GALNT13: variants seen among roughly 807,000 people sequenced by gnomAD.
The protein encoded by GALNT13 is UDP-GalNAc:polypeptide N-acetylgalactosaminyltransferase 13.
In GALNT13, 28 loss-of-function variants were observed where a neutral mutation model predicts 64.2. The ratio of observed to expected loss-of-function variants is 0.44; its 90% CI spans 0.32 to 0.60. GALNT13 has a LOEUF of 0.60. Among genes scored for constraint, GALNT13 ranks in the 20% least tolerant of loss-of-function variants. The probability of loss-of-function intolerance (pLI) is 0.05; values close to 1 mark genes in which losing one functional copy is unlikely to be tolerated. For missense variants in GALNT13, 577 were observed against 669.8 expected (o/e 0.86, Z 1.53); for synonymous variants, 214 against 224.6 (o/e 0.95, Z 0.42).
At chr2:154,016,310 C>T (rs998021074) in intron 3 of GALNT13, among the ~76,000 whole-genome samples, 6 of 152,132 alleles carry the variant, frequency 3.9e-5, no homozygotes, top group Non-Finnish European at 7.3e-5. Context: ...CATTCATAAA[C>T]ACAGGGGTGA....
chr2:154,269,926 T>TTTATATATATG (rs1553506260), intron 8 of GALNT13, among the ~76,000 whole-genome samples: 3 of 33,336 alleles, frequency 9.0e-5, no homozygotes, highest in South Asian at 1.5e-3. Context: ...ATATATATAT[T>TTTATATATATG]TCTAAAGCAC....
chr2:153,077,301 T>C, the GALNT13 span, among the ~76,000 whole-genome samples: 1 of 152,092 alleles, frequency 6.6e-6, no homozygotes, highest in Admixed American at 6.6e-5. Flanking sequence ...AAATGGTATT[T>C]TTATTGGAAT....
intron 1 of GALNT13, among the ~76,000 whole-genome samples, chr2:153,882,817 G>A (rs1228229450): frequency 2.0e-5 from 3 of 151,262 alleles, no homozygotes; most frequent in Non-Finnish European, 2.9e-5. Flanking sequence ...TTGTAGAAAT[G>A]GGGGATCTTG....
the GALNT13 span, chr2:153,187,607 T>G: frequency 1.3e-5 from 2 of 152,200 alleles, no homozygotes; most frequent in African/African-American, 4.8e-5. Context: ...ACATGAGACC[T>G]CCTATTCTAT....
At chr2:153,984,745 T>G (rs2105169320) in intron 3 of GALNT13, among the ~76,000 whole-genome samples, 1 of 152,044 alleles carries the variant, frequency 6.6e-6, no homozygotes, top group Admixed American at 6.6e-5. Flanking sequence ...TAATTATAGC[T>G]TATTGTTCTA....
At chr2:154,157,197 C>A (rs1684472354) in intron 4 of GALNT13, among the ~76,000 whole-genome samples, 1 of 152,104 alleles carries the variant, frequency 6.6e-6, no homozygotes, top group Non-Finnish European at 1.5e-5. Context: ...AAAACTCCCC[C>A]TAGTCTCACC....
chr2:154,379,989 A>G (rs541394275), intron 9 of GALNT13, among the ~76,000 whole-genome samples: 20 of 152,216 alleles, frequency 1.3e-4, no homozygotes, highest in African/African-American at 4.6e-4. Flanking sequence ...CAGAAGAAAT[A>G]AAATTAAACT....
the GALNT13 span, among the ~76,000 whole-genome samples, chr2:153,412,382 A>G: frequency 6.6e-6 from 1 of 152,156 alleles, no homozygotes; most frequent in Non-Finnish European, 1.5e-5. Context: ...AAAAACATGA[A>G]AACACTTTTA....
At chr2:154,000,871 A>G (rs1309461951) in intron 3 of GALNT13, among the ~76,000 whole-genome samples, 1 of 152,010 alleles carries the variant, frequency 6.6e-6, no homozygotes, top group East Asian at 1.9e-4. Context: ...TGATCTTTAC[A>G]TTGCTGAAAA....
the GALNT13 span, among the ~76,000 whole-genome samples, chr2:153,696,686 A>G: frequency 6.6e-6 from 1 of 152,220 alleles, no homozygotes; most frequent in Non-Finnish European, 1.5e-5. Flanking sequence ...CAATCAAAAT[A>G]CGTTTGGACT....
At chr2:154,372,757 A>G (rs1312196290) in intron 9 of GALNT13, among the ~76,000 whole-genome samples, 4 of 152,072 alleles carry the variant, frequency 2.6e-5, no homozygotes, top group African/African-American at 7.2e-5. Context: ...GTCTGTGATT[A>G]TCACTTTTTA....
chr2:153,645,647 T>G, the GALNT13 span, among the ~76,000 whole-genome samples: 2 of 152,120 alleles, frequency 1.3e-5, no homozygotes, highest in Non-Finnish European at 2.9e-5. Context: ...TTAGAGAAAG[T>G]GTATTTTGAA....
the GALNT13 span, among the ~76,000 whole-genome samples, chr2:153,764,438 A>T: frequency 3.0e-4 from 45 of 152,292 alleles, no homozygotes; most frequent in African/African-American, 1.1e-3. Context: ...CAGGAGGCTG[A>T]GGCAGGAGAA....
At chr2:153,625,256 C>T in the GALNT13 span, among the ~76,000 whole-genome samples, 1 of 151,824 alleles carries the variant, frequency 6.6e-6, no homozygotes, top group Non-Finnish European at 1.5e-5. Flanking sequence ...TGGGACAATT[C>T]CACAAAACCT....
chr2:154,138,315 A>G (rs1281559105), intron 3 of GALNT13, among the ~76,000 whole-genome samples: 2 of 152,082 alleles, frequency 1.3e-5, no homozygotes, highest in Admixed American at 6.6e-5. Flanking sequence ...AATCTGTATT[A>G]TGCCAGTTTA....
intron 3 of GALNT13, among the ~76,000 whole-genome samples, chr2:154,039,594 A>G (rs11897339): frequency 0.7 from 96,075 of 137,188 alleles, 38,545 homozygotes; most frequent in East Asian, 0.96. Context: ...GTAGAATTAC[A>G]GTTGTTAGAA....
intron 4 of GALNT13, among the ~76,000 whole-genome samples, chr2:154,199,541 G>A (rs1272097373): frequency 6.6e-6 from 1 of 151,790 alleles, no homozygotes; most frequent in East Asian, 1.9e-4. Context: ...AATTTTTTAT[G>A]TTCATGCAAT....
At chr2:153,799,958 A>T in the GALNT13 span, among the ~76,000 whole-genome samples, 1 of 151,338 alleles carries the variant, frequency 6.6e-6, no homozygotes, top group African/African-American at 2.4e-5. Flanking sequence ...TTACAGTAGC[A>T]TTATCTTGCC....
At chr2:153,111,330 TA>T in the GALNT13 span, among the ~76,000 whole-genome samples, 6 of 150,582 alleles carry the variant, frequency 4.0e-5, no homozygotes, top group Admixed American at 1.3e-4. Flanking sequence ...GTTTTCATTT[TA>T]AAAAAAAACA....
Sources: gnomAD v4.1 joint callset for allele counts (sites outside exome capture counted in the v4.1 genomes callset) on GRCh38, gnomAD v4.1.1 for gene constraint, MANE v1.5 for transcripts, NCBI Gene and HGNC (gene_info 2026-07-23, HGNC 2026-07-21) for gene names.